CHTF8: variants seen among roughly 807,000 people sequenced by gnomAD.
CHTF8 encodes the protein chromosome transmission fidelity protein 8 homolog.
A neutral mutation model predicts 11.0 loss-of-function variants in CHTF8; 6 were observed. The observed-to-expected ratio is 0.55, with a 90% CI of 0.30 to 1.08. The LOEUF (loss-of-function observed/expected upper bound fraction) is 1.08, where lower values mean the gene tolerates loss of function less well. CHTF8 is among the 50% of genes least tolerant of loss of function. The probability of loss-of-function intolerance (pLI) is 0.07; values close to 1 mark genes in which losing one functional copy is unlikely to be tolerated. For missense variants in CHTF8, 140 were observed against 153.1 expected (o/e 0.91, Z 0.45); for synonymous variants, 53 against 60.5 (o/e 0.88, Z 0.57).
intron 1 of CHTF8, among the ~76,000 whole-genome samples, chr16:69,121,764 T>C (rs1248320250): frequency 6.6e-6 from 1 of 151,286 alleles, no homozygotes; most frequent in African/African-American, 2.4e-5. Flanking sequence ...GCCTCCGGGG[T>C]TCATGCCATT....
intron 1 of CHTF8, among the ~76,000 whole-genome samples, chr16:69,127,239 CAA>C (rs532264036): frequency 1.6e-4 from 17 of 108,718 alleles, no homozygotes; most frequent in Admixed American, 3.0e-4. Context: ...AACTCCGTCT[CAA>C]AAAAAAAAAA....
At chr16:69,125,972 A>G (rs1052892198) in intron 1 of CHTF8, among the ~76,000 whole-genome samples, 11 of 152,226 alleles carry the variant, frequency 7.2e-5, no homozygotes, top group Admixed American at 7.2e-4. Context: ...AGACAGTGAG[A>G]TAAGAAAATC....
At position 69,118,391 on chromosome 16, in the gene CHTF8, G is replaced by C. The variant is rs766558916; in HGVS notation, c.*2034C>G. 6.2e-7 allele frequency: 1 copy of C among 1,613,146 alleles called. No homozygotes were observed. Among genetic ancestry groups the C allele is most frequent in the African/African-American group, 1.3e-5 (1 of 74,868 alleles). On this transcript the variant is annotated 3_prime_UTR_variant, in exon 4 of 4. Coordinates refer to ENST00000448552, the MANE Select transcript of CHTF8 (RefSeq NM_001039690.5). The stretch of plus-strand genomic sequence containing the variant: ...AGGTATGGCAGTAGAGGATGACCAG[G>C]TCCAAGCTGCCCAGGTCAGAGCTAC...
Position 69,118,219 on chromosome 16 carries a change from T to G in CHTF8, c.*2206A>C, listed in dbSNP as rs1961309287. The G allele has an allele frequency of 3.1e-6, 2 of 644,718 alleles. No homozygotes were observed. The highest frequency in any genetic ancestry group is 2.5e-5 in the Admixed American group (1 of 39,888). 39.9% of individuals were successfully genotyped at this position (644,718 alleles called of 1,614,324 possible). On this transcript the variant is annotated 3_prime_UTR_variant, in exon 4 of 4. Transcript: ENST00000448552. ...GAGTACCAGTGAAGAGGGAGTTGGA[T>G]GAGTAGAGGGGCCTTAAATCTGGCC...
intron 1 of CHTF8, among the ~76,000 whole-genome samples, chr16:69,124,595 G>A (rs925690937): frequency 4.6e-5 from 7 of 151,562 alleles, no homozygotes; most frequent in Admixed American, 2.6e-4. Context: ...GGCTGGTCTC[G>A]AACTTCTGAC....
intron 1 of CHTF8, among the ~76,000 whole-genome samples, chr16:69,123,598 C>T (rs1961838308): frequency 6.6e-6 from 1 of 152,034 alleles, no homozygotes; most frequent in Non-Finnish European, 1.5e-5. Flanking sequence ...GCAAAGGTTA[C>T]GGTGAGCCAA....
At chr16:69,121,244 G>A (rs901315935) in intron 2 of CHTF8, 74 bp from the exon 3 acceptor site, 50 of 1,417,820 alleles carry the variant, frequency 3.5e-5, no homozygotes, top group Non-Finnish European at 4.9e-5. Context: ...ACCACCATTT[G>A]AGGCCCAAAG....
chr16:69,127,691 C>G (rs553182984), intron 1 of CHTF8, among the ~76,000 whole-genome samples: 140 of 147,788 alleles, frequency 9.5e-4, no homozygotes, highest in African/African-American at 3.2e-3. Flanking sequence ...CTCATTGCAA[C>G]CTCTGTCTCC....
chr16:69,124,876 A>G (rs1218984949), intron 1 of CHTF8, among the ~76,000 whole-genome samples: 1 of 152,024 alleles, frequency 6.6e-6, no homozygotes, highest in Non-Finnish European at 1.5e-5. Flanking sequence ...CTAGAGCACC[A>G]AACACTTTGG....
intron 1 of CHTF8, among the ~76,000 whole-genome samples, chr16:69,123,977 G>A (rs944864020): frequency 2.7e-5 from 4 of 148,320 alleles, no homozygotes; most frequent in South Asian, 2.2e-4. Context: ...GGTGGCGCAC[G>A]CCTGCAGTTC....
At chr16:69,129,116 C>A (rs1234103273) in intron 1 of CHTF8, among the ~76,000 whole-genome samples, 1 of 151,262 alleles carries the variant, frequency 6.6e-6, no homozygotes, top group Non-Finnish European at 1.5e-5. Context: ...AATCAAAGCA[C>A]CACCATGATT....
intron 1 of CHTF8, among the ~76,000 whole-genome samples, chr16:69,124,000 A>T (rs1961878610): frequency 6.7e-6 from 1 of 150,100 alleles, no homozygotes; most frequent in Non-Finnish European, 1.5e-5. Context: ...GCTACTTGGG[A>T]GGCTGAGGCA....
In CHTF8 at chr16:69,118,426, G is replaced by A. The variant is rs750274243; in HGVS notation, c.*1999C>T. ...CCCAGGTCAGAGCTACGGAAGCATG[G>A]TCCGTTCACCAACGCCACGTTTCTA... On this transcript the variant is annotated 3_prime_UTR_variant, in exon 4 of 4. Coordinates refer to ENST00000448552, the MANE Select transcript of CHTF8 (RefSeq NM_001039690.5). 5 of 1,612,666 alleles carry A rather than the reference G, an allele frequency of 3.1e-6. No homozygotes were observed. In the East Asian group the frequency reaches 1.1e-4, roughly 36 times the overall value.
intron 1 of CHTF8, among the ~76,000 whole-genome samples, chr16:69,126,916 C>G (rs1397500074): frequency 6.6e-6 from 1 of 152,042 alleles, no homozygotes; most frequent in Non-Finnish European, 1.5e-5. Context: ...ATGGAGGTGG[C>G]AGGGAGTATA....
intron 1 of CHTF8, among the ~76,000 whole-genome samples, chr16:69,129,159 G>C (rs560075177): frequency 6.6e-6 from 1 of 151,862 alleles, no homozygotes; most frequent in African/African-American, 2.4e-5. Flanking sequence ...GGCCGGGTGC[G>C]GTGGCTCACA....
intron 1 of CHTF8, among the ~76,000 whole-genome samples, chr16:69,128,820 C>T (rs778628033): frequency 2.0e-5 from 3 of 152,288 alleles, no homozygotes; most frequent in Non-Finnish European, 4.4e-5. Context: ...AATCCCAGCA[C>T]TTTGGGAGCC....
At chr16:69,121,905 G>A (rs1262033047) in intron 1 of CHTF8, among the ~76,000 whole-genome samples, 5 of 152,102 alleles carry the variant, frequency 3.3e-5, no homozygotes, top group Non-Finnish European at 7.4e-5. Context: ...TCCTGACCTC[G>A]TGATCCACCC....
In CHTF8 at chr16:69,118,888, G is replaced by A; in HGVS notation, c.*1537C>T. The A allele has an allele frequency of 1.4e-6, 1 of 703,066 alleles. No homozygotes were observed. The allele number at this position is 703,066 out of a possible 1,614,324, so 43.6% of individuals were successfully genotyped here. ...CAACATTCCATTTGGGTACATTGCA[G>A]CCATTGGACCCCCTGGTCTGGGGAA... On this transcript the variant is annotated 3_prime_UTR_variant, in exon 4 of 4. Coordinates refer to ENST00000448552, the MANE Select transcript of CHTF8 (RefSeq NM_001039690.5).
chr16:69,120,999 T>C lies in CHTF8; in HGVS notation c.141+54A>G. 6.8e-7 allele frequency: 1 copy of C among 1,466,726 alleles called. No homozygotes were observed. 90.9% of individuals were successfully genotyped at this position (1,466,726 alleles called of 1,614,324 possible). ...CACTCTGGGTCCTGGGAGCACCACC[T>C]TGGTGTAGCTTGCTTTCCTGAGGCA... On this transcript the variant is annotated intron_variant, in intron 3 of 3. Coordinates refer to ENST00000448552, the MANE Select transcript of CHTF8 (RefSeq NM_001039690.5). This position sits in a 1 kb window ranked among gnomAD's most constrained non-coding sequence, Gnocchi z 4.0.
Sources: allele counts gnomAD v4.1 joint callset (sites outside exome capture counted in the v4.1 genomes callset), GRCh38; gene constraint gnomAD v4.1.1; non-coding constraint Gnocchi (gnomAD v3.1); transcripts MANE v1.5; gene names NCBI Gene and HGNC (gene_info 2026-07-23, HGNC 2026-07-21).